Variants in CAMKK2 observed in about 807,000 individuals in gnomAD.
CAMKK2 encodes calcium/calmodulin-dependent protein kinase kinase 2.
Under a neutral mutation model 67.2 loss-of-function variants are expected in CAMKK2, and 30 were observed. The ratio of observed to expected loss-of-function variants is 0.45; its 90% confidence interval spans 0.33 to 0.61. The LOEUF is 0.61. Among genes scored for constraint, CAMKK2 ranks in the 20% least tolerant of loss-of-function variants. The probability of loss-of-function intolerance (pLI) is 0.02; values close to 1 mark genes in which losing one functional copy is unlikely to be tolerated. For missense variants in CAMKK2, 643 were observed against 802.0 expected, an observed-to-expected ratio of 0.80 and a Z score of 2.39; for synonymous variants, 322 against 326.2, an observed-to-expected ratio of 0.99 and a Z score of 0.14.
In CAMKK2 at chr12:121,259,106, C is replaced by T. The variant is rs551773255; in HGVS notation, c.796+1213G>A. Among the ~76,000 whole-genome samples, 11 of 152,112 alleles carry T rather than the reference C, an allele frequency of 7.2e-5. No individual in the cohort carries two copies. In the South Asian group the frequency reaches 1.2e-3, roughly 17 times the overall value. ...GATCCACCCGCTCGGACTCCCAAAG[C>T]GCTGGGATTACAGGGGTGAGCCACT... On this transcript the variant is annotated intron_variant, in intron 7 of 16. Transcript: ENST00000404169.
At chr12:121,263,075 T>C (rs1893796885) in intron 6 of CAMKK2, among the ~76,000 whole-genome samples, 1 of 152,018 alleles carries the variant, frequency 6.6e-6, no homozygotes, top group Non-Finnish European at 1.5e-5. Flanking sequence ...TTCAAGCGAT[T>C]CTCCTGCCTC....
At chr12:121,279,631 C>T (rs1023153349) in intron 1 of CAMKK2, among the ~76,000 whole-genome samples, 2 of 152,180 alleles carry the variant, frequency 1.3e-5, no homozygotes, top group African/African-American at 4.8e-5. Flanking sequence ...GAGGGCGGAG[C>T]GTGAGAGGAG....
chr12:121,288,082 T>C (rs2136611607), intron 1 of CAMKK2, among the ~76,000 whole-genome samples: 1 of 152,318 alleles, frequency 6.6e-6, no homozygotes, highest in Admixed American at 6.5e-5. Context: ...TTTGGGTATG[T>C]GTTTAGAGGA....
chr12:121,282,714 G>T (rs1898017446), intron 1 of CAMKK2, among the ~76,000 whole-genome samples: 1 of 152,050 alleles, frequency 6.6e-6, no homozygotes, highest in Admixed American at 6.6e-5. Context: ...CAGACTTCTG[G>T]CCTCCAGAAA....
rs752954809 is a variant in CAMKK2, at chr12:121,240,724, G to A, written c.1742C>T (p.Pro581Leu). ...GSPARMHPLR[P>L]EEAMEPE ...CTACTCGGGCTCCATGGCCTCCTCC[G>A]GCCGCAGTGGATGCATGCGTGCGGG... Residue 581 changes from proline (P) to leucine (L), a missense_variant, in exon 17 of 17, where the codon CCG becomes CTG. Physicochemically the swap from Pro to Leu is moderately conservative, Grantham distance 98. Coordinates refer to ENST00000404169, the MANE Select transcript of CAMKK2 (RefSeq NM_001270485.2). The surrounding 1 kb of genome is among the most constrained non-coding windows in gnomAD (Gnocchi z 4.4). 1.5e-5 allele frequency: 24 copies of A among 1,606,856 alleles called. No individual in the cohort carries two copies. Among genetic ancestry groups the A allele is most frequent in the Middle Eastern group, 1.7e-4 (1 of 6,054 alleles).
chr12:121,240,743 G>A lies in CAMKK2; in HGVS notation c.1723C>T (p.Arg575Cys), dbSNP rs775271665. The change falls in exon 17 of 17, where the codon CGC becomes TGC. Residue 575 changes from arginine to cysteine, a missense_variant. By Grantham distance (180) the Arg-to-Cys change is radical. Around this residue, in one of 3 missense-constraint regions of CAMKK2, gnomAD observed 140 missense variants for 124.2 expected, o/e 1.13. Coordinates refer to ENST00000404169, the MANE Select transcript of CAMKK2 (RefSeq NM_001270485.2). The surrounding 1 kb of genome is among the most constrained non-coding windows in gnomAD (Gnocchi z 4.4). ...TCCTCCGGCCGCAGTGGATGCATGC[G>A]TGCGGGGGAGCCGGGGGCGGGGGCC... ...CWAPAPGSPARMHPLRPEEAM... is the reference protein window; with the variant it reads ...CWAPAPGSPACMHPLRPEEAM... 2 of 1,608,952 alleles carry A rather than the reference G, an allele frequency of 1.2e-6. No individual in the cohort carries two copies. Among genetic ancestry groups the A allele is most frequent in the Non-Finnish European group, 1.7e-6 (2 of 1,179,022 alleles).
chr12:121,295,376 G>C (rs912319451), intron 1 of CAMKK2, among the ~76,000 whole-genome samples: 1 of 152,144 alleles, frequency 6.6e-6, no homozygotes, highest in Non-Finnish European at 1.5e-5. Flanking sequence ...TTGCCCTAAA[G>C]CTGCATTTGC....
At chr12:121,243,543 G>A (rs1268904294) in intron 16 of CAMKK2, 1 of 153,196 alleles carries the variant, frequency 6.5e-6, no homozygotes, top group Admixed American at 6.5e-5. Flanking sequence ...GATGAACCTT[G>A]AAAACATGAT....
rs1185605599 is a variant in CAMKK2 at position 121,285,761 on chromosome 12, G to A, written c.-60+10877C>T. ...GGGGAGGTTGATGCAGCAGTGAGCCGTGATCATGCCACCGCACTCTAGCCT... is the reference window on the plus strand; with the variant it reads ...GGGGAGGTTGATGCAGCAGTGAGCCATGATCATGCCACCGCACTCTAGCCT... On this transcript the variant is annotated intron_variant, in intron 1 of 16. Coordinates refer to ENST00000404169, the MANE Select transcript of CAMKK2 (RefSeq NM_001270485.2). The surrounding 1 kb of genome is among the most constrained non-coding windows in gnomAD (Gnocchi z 4.1). Among the ~76,000 whole-genome samples, 2 of 152,128 alleles carry A rather than the reference G, an allele frequency of 1.3e-5. No homozygotes were observed. Among genetic ancestry groups the A allele is most frequent in the East Asian group, 1.9e-4 (1 of 5,190 alleles).
chr12:121,251,928 T>C (rs924691206), intron 11 of CAMKK2, among the ~76,000 whole-genome samples: 2 of 151,466 alleles, frequency 1.3e-5, no homozygotes, highest in Admixed American at 1.3e-4. Context: ...AAATCAATAA[T>C]GGTAAACAGC....
intron 1 of CAMKK2, among the ~76,000 whole-genome samples, chr12:121,280,001 C>T (rs560933381): frequency 3.9e-5 from 6 of 152,340 alleles, no homozygotes; most frequent in South Asian, 4.1e-4. Context: ...CAGGCTCCCC[C>T]GAGGTTGCCT....
intron 1 of CAMKK2, among the ~76,000 whole-genome samples, chr12:121,280,681 C>T (rs1339874144): frequency 6.6e-6 from 1 of 152,096 alleles, no homozygotes; most frequent in Non-Finnish European, 1.5e-5. Flanking sequence ...CCGGGGCGTA[C>T]CTGTCTCTTA....
At chr12:121,259,440 C>T (rs1208265047) in intron 7 of CAMKK2, among the ~76,000 whole-genome samples, 4 of 152,274 alleles carry the variant, frequency 2.6e-5, no homozygotes, top group East Asian at 1.9e-4. Context: ...AACAAAGGCA[C>T]GCCTCAGAAA....
At chr12:121,252,537 C>G in intron 11 of CAMKK2, 124 bp downstream of exon 11, 1 of 856,576 alleles carries the variant, frequency 1.2e-6, no homozygotes, top group South Asian at 1.6e-5. Context: ...GGTTTACAGG[C>G]GTGAGCCACC....
At chr12:121,249,427 T>G (rs1890192847) in intron 13 of CAMKK2, among the ~76,000 whole-genome samples, 1 of 152,160 alleles carries the variant, frequency 6.6e-6, no homozygotes, top group Admixed American at 6.5e-5. Flanking sequence ...TTTCCTCCCA[T>G]CCTCACTGCA....
At chr12:121,269,679 C>T in intron 3 of CAMKK2, 98 bp from the exon 4 acceptor site, 1 of 880,470 alleles carries the variant, frequency 1.1e-6, no homozygotes, top group African/African-American at 1.7e-5. Context: ...GCCCATTGGT[C>T]AAATCTGTCC....
intron 5 of CAMKK2, among the ~76,000 whole-genome samples, chr12:121,267,546 G>A (rs1447604074): frequency 6.6e-6 from 1 of 151,682 alleles, no homozygotes; most frequent in Non-Finnish European, 1.5e-5. Context: ...AGGCTGGAGT[G>A]CAGTGGCATG....
intron 14 of CAMKK2, among the ~76,000 whole-genome samples, chr12:121,246,267 C>G (rs957753534): frequency 8.8e-5 from 13 of 147,430 alleles, no homozygotes; most frequent in African/African-American, 3.3e-4. Context: ...GGGGGGGAGG[C>G]GGGCGTGGTG....
Position 121,288,279 on chromosome 12 carries a change from G to C in CAMKK2, c.-60+8359C>G, listed in dbSNP as rs549373509. Among the ~76,000 whole-genome samples the C allele has an allele frequency of 2.7e-4, 41 of 152,296 alleles. No homozygotes were observed. The South Asian group carries it at 8.1e-3, about 30-fold the overall frequency. ...GGCAAATCAGAGATGGAGAGGGCCAGCTCGAAACCCACAGGCATCGGTGCC... is the reference window on the plus strand; with the variant it reads ...GGCAAATCAGAGATGGAGAGGGCCACCTCGAAACCCACAGGCATCGGTGCC... On this transcript the variant is annotated intron_variant, in intron 1 of 16. Coordinates refer to ENST00000404169, the MANE Select transcript of CAMKK2 (RefSeq NM_001270485.2).
Sources: allele counts gnomAD v4.1 joint callset (sites outside exome capture counted in the v4.1 genomes callset), GRCh38; gene constraint gnomAD v4.1.1; regional missense constraint gnomAD v4.1.1; non-coding constraint Gnocchi (gnomAD v3.1); transcripts MANE v1.5; gene names NCBI Gene and HGNC (gene_info 2026-07-23, HGNC 2026-07-21).